The following RGS12 variants were observed in gnomAD, a reference collection of about 807,000 sequenced individuals.
RGS12 encodes the protein regulator of G-protein signaling 12.
In RGS12, 66 loss-of-function variants were observed where a neutral mutation model predicts 120.1. That is an observed-to-expected ratio of 0.55 (90% CI 0.45 to 0.67). The LOEUF (loss-of-function observed/expected upper bound fraction) is 0.67, where lower values mean the gene tolerates loss of function less well. Among genes scored for constraint, RGS12 ranks in the 30% least tolerant of loss-of-function variants. RGS12 has a pLI of 0.00. For missense variants in RGS12, 1,859 were observed against 1,957.7 expected (o/e 0.95, Z 0.95); for synonymous variants, 827 against 804.7 (o/e 1.03, Z -0.47).
chr4:3,363,047 GTA>G (rs768876592), intron 3 of RGS12, among the ~76,000 whole-genome samples: 74 of 151,488 alleles, frequency 4.9e-4, no homozygotes, highest in South Asian at 4.6e-3. Flanking sequence ...ACGCGAGGGT[GTA>G]TGTGTGTGTG....
chr4:3,288,285 T>G (rs889511182), upstream of RGS12, among the ~76,000 whole-genome samples: 6 of 151,920 alleles, frequency 3.9e-5, no homozygotes, highest in African/African-American at 1.5e-4. The surrounding 1 kb of genome is among the most constrained non-coding windows in gnomAD (Gnocchi z 5.2). Context: ...AGCTGGGCCC[T>G]GACAGGAGGG....
At chr4:3,432,710 G>A (rs1209427437) in intron 17 of RGS12, among the ~76,000 whole-genome samples, 1 of 152,232 alleles carries the variant, frequency 6.6e-6, no homozygotes, top group Non-Finnish European at 1.5e-5. Flanking sequence ...GCGCTCTGGT[G>A]GCTGCCCCGA....
intron 4 of RGS12, among the ~76,000 whole-genome samples, chr4:3,408,204 A>G (rs1316450577): frequency 6.6e-6 from 1 of 152,218 alleles, no homozygotes; most frequent in Non-Finnish European, 1.5e-5. Flanking sequence ...TGGGGTCGGA[A>G]TGGTGGCTTG....
rs563997944 is a variant in RGS12 at position 3,372,625 on chromosome 4, G to C, written c.1999-13791G>C. On this transcript the variant is annotated intron_variant, in intron 3 of 17. Transcript: ENST00000336727. This position sits in a 1 kb window ranked among gnomAD's most constrained non-coding sequence, Gnocchi z 4.3. ...GCATGGAGGTGGCGGCGGCCATCAGGGTGTGGTTTTGTGACGTCTCAGGGT... is the reference window on the plus strand; with the variant it reads ...GCATGGAGGTGGCGGCGGCCATCAGCGTGTGGTTTTGTGACGTCTCAGGGT... Among the ~76,000 whole-genome samples, 1 of 152,360 alleles carries C rather than the reference G, an allele frequency of 6.6e-6. No homozygotes were observed. Among genetic ancestry groups the C allele is most frequent in the South Asian group, 2.1e-4 (1 of 4,826 alleles).
chr4:3,390,825 AC>A lies in RGS12; in HGVS notation c.2020+4390del, dbSNP rs1369367178. On this transcript the variant is annotated intron_variant, in intron 4 of 17. Coordinates refer to ENST00000336727, the MANE Select transcript of RGS12 (RefSeq NM_001394154.1). This position sits in a 1 kb window ranked among gnomAD's most constrained non-coding sequence, Gnocchi z 4.6. The stretch of plus-strand genomic sequence containing the variant: ...AACGGCTGCCTGATGGGGGAGGGTT[AC>A]CGTAATTGCCGGATTAACTTGGGGG... 6.6e-6 allele frequency among the ~76,000 whole-genome samples: 1 copy of A among 152,334 alleles called. No homozygotes were observed. Among genetic ancestry groups the A allele is most frequent in the Non-Finnish European group, 1.5e-5 (1 of 68,018 alleles).
At chr4:3,349,617 C>A (rs918538972) in intron 3 of RGS12, among the ~76,000 whole-genome samples, 1 of 151,974 alleles carries the variant, frequency 6.6e-6, no homozygotes, top group Admixed American at 6.6e-5. Context: ...CCTTACTTTT[C>A]GTATACTTTG....
chr4:3,427,791 TCTGA>T (rs1723813415), intron 14 of RGS12, among the ~76,000 whole-genome samples: 1 of 152,220 alleles, frequency 6.6e-6, no homozygotes, highest in South Asian at 2.1e-4. Context: ...AATGTAAGAC[TCTGA>T]CTTTCTAGAG....
intron 17 of RGS12, among the ~76,000 whole-genome samples, chr4:3,437,585 C>T (rs951062781): frequency 6.6e-6 from 1 of 152,160 alleles, no homozygotes; most frequent in African/African-American, 2.4e-5. Context: ...GTCCCCTTGT[C>T]CCCTGGGGGC....
chr4:3,436,028 C>T (rs528816772), intron 17 of RGS12, among the ~76,000 whole-genome samples: 160 of 152,344 alleles, frequency 1.1e-3, no homozygotes, highest in African/African-American at 3.4e-3. Context: ...TCCACTCCCT[C>T]GCCAATGCCC....
chr4:3,428,763 T>G, intron 16 of RGS12, 52 bp downstream of exon 16: 1 of 1,467,922 alleles, frequency 6.8e-7, no homozygotes, highest in Non-Finnish European at 9.3e-7. Flanking sequence ...ACAGTTAGTT[T>G]CCAGTATAGT....
intron 2 of RGS12, among the ~76,000 whole-genome samples, chr4:3,325,437 T>C (rs1394998341): frequency 1.3e-5 from 2 of 152,180 alleles, no homozygotes; most frequent in Admixed American, 6.5e-5. Flanking sequence ...GACTCAGCCC[T>C]CATGAATGGC....
intron 1 of RGS12, among the ~76,000 whole-genome samples, chr4:3,297,010 A>G (rs1723419224): frequency 6.6e-6 from 1 of 152,240 alleles, no homozygotes; most frequent in Admixed American, 6.5e-5. Flanking sequence ...TCCATGAAGG[A>G]GCCTCTTGCC....
At chr4:3,291,157 A>T (rs1722999507), upstream of RGS12, among the ~76,000 whole-genome samples, 1 of 152,226 alleles carries the variant, frequency 6.6e-6, no homozygotes, top group Non-Finnish European at 1.5e-5. Flanking sequence ...AGAGACCTGC[A>T]GGTGGTGTTT....
At chr4:3,321,331 A>T (rs1725172586) in intron 2 of RGS12, among the ~76,000 whole-genome samples, 2 of 152,038 alleles carry the variant, frequency 1.3e-5, no homozygotes, top group African/African-American at 2.4e-5. Flanking sequence ...CCAGGTGAGG[A>T]TTGGTGGCTG....
intron 3 of RGS12, among the ~76,000 whole-genome samples, chr4:3,371,801 G>A (rs1207990073): frequency 6.6e-6 from 1 of 152,172 alleles, no homozygotes; most frequent in Non-Finnish European, 1.5e-5. Context: ...AAATGGGAGG[G>A]TCAGGGAATG....
chr4:3,337,202 T>C (rs1022660587), intron 2 of RGS12, among the ~76,000 whole-genome samples: 15 of 152,064 alleles, frequency 9.9e-5, no homozygotes, highest in African/African-American at 3.4e-4. Flanking sequence ...GCCACCACCA[T>C]CACAAGAGAG....
intron 4 of RGS12, among the ~76,000 whole-genome samples, chr4:3,409,059 C>G (rs1721447119): frequency 6.6e-6 from 1 of 152,248 alleles, no homozygotes; most frequent in Non-Finnish European, 1.5e-5. Context: ...GCAACTCTCA[C>G]TTGAGTGGGT....
intron 13 of RGS12, chr4:3,423,960 GA>G (rs1723327833): frequency 3.9e-6 from 1 of 254,472 alleles, no homozygotes; most frequent in Admixed American, 4.7e-5. Flanking sequence ...AATGTGATCA[GA>G]TAAGAGAGTG....
At chr4:3,360,927 T>G (rs770074774) in intron 3 of RGS12, among the ~76,000 whole-genome samples, 3 of 152,180 alleles carry the variant, frequency 2.0e-5, no homozygotes, top group East Asian at 3.8e-4. Context: ...TGAGAAAGTT[T>G]CCAGGCAAAT....
Sources: allele counts gnomAD v4.1 joint callset (sites outside exome capture counted in the v4.1 genomes callset), GRCh38; gene constraint gnomAD v4.1.1; non-coding constraint Gnocchi (gnomAD v3.1); transcripts MANE v1.5; gene names NCBI Gene and HGNC (gene_info 2026-07-23, HGNC 2026-07-21).